Variants in FHOD3 observed in about 807,000 individuals in gnomAD.
FHOD3 encodes FH1/FH2 domain-containing protein 3.
FHOD3 carries 90 observed loss-of-function variants against 173.0 expected under a neutral mutation model. The observed-to-expected ratio is 0.52, with a 90% CI of 0.44 to 0.62. The LOEUF (loss-of-function observed/expected upper bound fraction) is 0.62. Among genes scored for constraint, FHOD3 ranks in the 20% least tolerant of loss-of-function variants. The probability of loss-of-function intolerance (pLI) is 0.00; values close to 1 mark genes in which losing one functional copy is unlikely to be tolerated. For missense variants in FHOD3, 1,945 were observed against 2,034.7 expected (o/e 0.96, Z 0.85); for synonymous variants, 828 against 823.0 (o/e 1.01, Z -0.10).
chr18:36,666,774 C>T (rs2037208371), intron 14 of FHOD3, among the ~76,000 whole-genome samples: 1 of 152,076 alleles, frequency 6.6e-6, no homozygotes, highest in Non-Finnish European at 1.5e-5. Context: ...TTTTTTAAAA[C>T]AGCTTTTGCA....
chr18:36,317,850 A>G (rs969421668), intron 1 of FHOD3, among the ~76,000 whole-genome samples: 1 of 152,140 alleles, frequency 6.6e-6, no homozygotes, highest in South Asian at 2.1e-4. Context: ...TAGGATTTTT[A>G]TGGTTTTAGG....
At chr18:36,770,916 C>T (rs933863024) in intron 28 of FHOD3, among the ~76,000 whole-genome samples, 7 of 152,160 alleles carry the variant, frequency 4.6e-5, no homozygotes, top group African/African-American at 7.2e-5. Context: ...CTCTCCACTA[C>T]GTTTATTTCA....
chr18:36,387,944 TAAGG>T (rs2048108862), intron 3 of FHOD3, among the ~76,000 whole-genome samples: 1 of 152,144 alleles, frequency 6.6e-6, no homozygotes, highest in Admixed American at 6.5e-5. Context: ...AAAGGGGCCT[TAAGG>T]AAGGAATTTG....
chr18:36,559,099 T>C lies in FHOD3; in HGVS notation c.512-17352T>C, dbSNP rs538930153. Among the ~76,000 whole-genome samples the C allele has an allele frequency of 1.9e-4, 29 of 152,332 alleles. No individual in the cohort carries two copies. In the South Asian group the frequency reaches 5.6e-3, roughly 29 times the overall value. The stretch of plus-strand genomic sequence containing the variant: ...TATCTTCTCTCTCCTGACGTTCTCC[T>C]TAGACCACTGTCAACCATCACTTAC... On this transcript the variant is annotated intron_variant, in intron 5 of 28. Coordinates refer to ENST00000590592, the MANE Select transcript of FHOD3 (RefSeq NM_001281740.3).
At chr18:36,487,465 C>T (rs2054250727) in intron 3 of FHOD3, among the ~76,000 whole-genome samples, 1 of 152,252 alleles carries the variant, frequency 6.6e-6, no homozygotes, top group Admixed American at 6.5e-5. Flanking sequence ...TGTCCTCCCA[C>T]TGCATCCTGC....
chr18:36,585,963 C>T (rs1354400564), intron 6 of FHOD3, among the ~76,000 whole-genome samples: 3 of 152,154 alleles, frequency 2.0e-5, no homozygotes, highest in African/African-American at 7.2e-5. Context: ...TGGGAGCCTG[C>T]AGGGTTCTGC....
At chr18:36,713,323 T>G (rs1233275301) in intron 18 of FHOD3, among the ~76,000 whole-genome samples, 1 of 152,214 alleles carries the variant, frequency 6.6e-6, no homozygotes, top group African/African-American at 2.4e-5. Context: ...CAACTATACT[T>G]TCAGAGTAGG....
chr18:36,753,032 G>A (rs983483470), intron 24 of FHOD3, among the ~76,000 whole-genome samples: 8 of 152,190 alleles, frequency 5.3e-5, no homozygotes, highest in African/African-American at 1.7e-4. Context: ...GTAGTGACCT[G>A]ACACAGGGTG....
intron 3 of FHOD3, among the ~76,000 whole-genome samples, chr18:36,441,740 A>G (rs953774352): frequency 6.6e-6 from 1 of 152,242 alleles, no homozygotes; most frequent in African/African-American, 2.4e-5. Flanking sequence ...ATCACAGCCA[A>G]GTGCCATCTC....
At chr18:36,687,986 G>T (rs951498231) in intron 16 of FHOD3, among the ~76,000 whole-genome samples, 2 of 152,188 alleles carry the variant, frequency 1.3e-5, no homozygotes, top group African/African-American at 4.8e-5. Flanking sequence ...TTATTAAAAT[G>T]TTGCTGTAAT....
intron 28 of FHOD3, among the ~76,000 whole-genome samples, chr18:36,770,241 A>C (rs2043318813): frequency 6.6e-6 from 1 of 152,226 alleles, no homozygotes; most frequent in East Asian, 1.9e-4. Flanking sequence ...TCTGAGAATA[A>C]GGGTTAGTGA....
intron 6 of FHOD3, among the ~76,000 whole-genome samples, chr18:36,590,085 C>A (rs2059162306): frequency 6.6e-6 from 1 of 152,208 alleles, no homozygotes; most frequent in Admixed American, 6.5e-5. Context: ...CTCTCTCTTG[C>A]TGCCACACTG....
chr18:36,384,004 C>G (rs2047909521), intron 3 of FHOD3, among the ~76,000 whole-genome samples: 1 of 152,214 alleles, frequency 6.6e-6, no homozygotes, highest in Admixed American at 6.5e-5. Context: ...GCTCTAGAAT[C>G]AGACCTGCCC....
intron 1 of FHOD3, among the ~76,000 whole-genome samples, chr18:36,316,910 T>C (rs1405311239): frequency 6.6e-6 from 1 of 151,940 alleles, no homozygotes; most frequent in African/African-American, 2.4e-5. Context: ...TGTGTGATGT[T>C]CCCCTCCCTG....
chr18:36,699,660 C>A (rs1015967396), intron 17 of FHOD3, among the ~76,000 whole-genome samples: 2 of 152,184 alleles, frequency 1.3e-5, no homozygotes, highest in African/African-American at 4.8e-5. Context: ...CTTCAGCAGC[C>A]CTGCTTTCCC....
rs769948848 is a variant in FHOD3 at position 36,718,370 on chromosome 18, ACCCCCACCCACCTTTCTGGGTTTGCCG to A, written c.3082_3108del (p.Thr1028_Pro1036del). Reference sequence around the variant, plus strand: ...GGGAGGCCCCTGGGCCACCTCCCCCACCCCCACCCACCTTTCTGGGTTTGCCGCCCCCACCCCCTCCGCCCCTGTTGG... The same window carrying A: ...GGGAGGCCCCTGGGCCACCTCCCCCACCCCCACCCCCTCCGCCCCTGTTGG... On this transcript the variant is annotated inframe_deletion, in exon 19 of 29. Coordinates refer to ENST00000590592, the MANE Select transcript of FHOD3 (RefSeq NM_001281740.3). 2.0e-5 allele frequency: 10 copies of A among 505,638 alleles called. No individual in the cohort carries two copies. Among genetic ancestry groups the A allele is most frequent in the East Asian group, 6.1e-5 (1 of 16,480 alleles). The allele number at this position is 505,638 out of a possible 1,614,324, so 31.3% of individuals were successfully genotyped here.
At chr18:36,639,818 T>TTG (rs1555790078) in intron 10 of FHOD3, among the ~76,000 whole-genome samples, 1 of 131,196 alleles carries the variant, frequency 7.6e-6, no homozygotes, top group East Asian at 3.2e-4. Context: ...TAAAGTGTTT[T>TTG]TTTTTTTTTT....
chr18:36,625,624 G>A lies in FHOD3; in HGVS notation c.1071G>A (p.Leu357=). Residue 357 remains leucine (L), a synonymous_variant, in exon 10 of 29, where the codon CTG becomes CTA. Transcript: ENST00000590592. ...CSSGGGEHRG[L]DRRRSRRHSV... The stretch of plus-strand genomic sequence containing the variant: ...GTGGCGGAGGCGAGCACCGGGGCCT[G>A]GACCGCAGAAGGAGCCGCAGGCACT... 6.2e-7 allele frequency: 1 copy of A among 1,603,812 alleles called. No individual in the cohort carries two copies.
At chr18:36,522,712 G>C (rs749964039) in intron 5 of FHOD3, among the ~76,000 whole-genome samples, 13 of 152,166 alleles carry the variant, frequency 8.5e-5, no homozygotes, top group Middle Eastern at 3.2e-3. Context: ...ACAATTGAAT[G>C]AATGCCTGGG....
Sources: allele counts gnomAD v4.1 joint callset (sites outside exome capture counted in the v4.1 genomes callset), GRCh38; gene constraint gnomAD v4.1.1; transcripts MANE v1.5; gene names NCBI Gene and HGNC (gene_info 2026-07-23, HGNC 2026-07-21).